NHS: variants seen among roughly 807,000 people sequenced by gnomAD.
NHS encodes the protein NHS actin remodeling regulator.
NHS carries 5 observed loss-of-function variants against 72.5 expected under a neutral mutation model. The ratio of observed to expected loss-of-function variants is 0.07; its 90% CI spans 0.04 to 0.14. The LOEUF (loss-of-function observed/expected upper bound fraction) is 0.14, where lower values mean the gene tolerates loss of function less well. Ranked by LOEUF, NHS falls within the 10% of genes least tolerant of loss-of-function variation. The pLI is 1.00. For missense variants in NHS, 1,072 were observed against 1,355.7 expected (o/e 0.79, Z 3.29); for synonymous variants, 464 against 547.7 (o/e 0.85, Z 2.13).
intron 1 of NHS, among the ~76,000 whole-genome samples, chrX:17,391,871 C>A (rs755145668): frequency 9.0e-6 from 1 of 111,623 alleles, no homozygotes; most frequent in Non-Finnish European, 1.9e-5. Context: ...CCTATAATGA[C>A]GATATCCTCT....
Position 17,712,361 on chromosome X carries a change from TACAC to T in NHS, c.853-6953_853-6950del, listed in dbSNP as rs745619023. ...TGTTTTCAAATGTAACACATTTGTATACACACACACACACACACACACACACACA... is the reference window on the plus strand; with the variant it reads ...TGTTTTCAAATGTAACACATTTGTATACACACACACACACACACACACACA... On this transcript the variant is annotated intron_variant, in intron 3 of 8. Transcript: ENST00000676302. Among the ~76,000 whole-genome samples the T allele has an allele frequency of 2.4e-3, 184 of 77,065 alleles. 2 individuals carry two copies. In the South Asian group the frequency reaches 0.032, roughly 13 times the overall value. 66.9% of individuals were successfully genotyped at this position (77,065 alleles called of 115,157 possible).
chrX:17,440,956 T>C (rs1350367129), intron 1 of NHS, among the ~76,000 whole-genome samples: 1 of 111,562 alleles, frequency 9.0e-6, no homozygotes, highest in Admixed American at 9.5e-5. Flanking sequence ...CTCCCATAGG[T>C]CATCTCTCTG....
At chrX:17,702,857 T>C (rs1469145747) in intron 3 of NHS, among the ~76,000 whole-genome samples, 1 of 111,647 alleles carries the variant, frequency 9.0e-6, no homozygotes, top group African/African-American at 3.3e-5. Flanking sequence ...AGTTAAAATT[T>C]TACTTTAAAA....
At chrX:17,661,039 A>G (rs992651905) in intron 1 of NHS, among the ~76,000 whole-genome samples, 2 of 111,730 alleles carry the variant, frequency 1.8e-5, no homozygotes, top group African/African-American at 6.5e-5. Flanking sequence ...AAACTAACGA[A>G]TCATTTATGC....
intron 1 of NHS, among the ~76,000 whole-genome samples, chrX:17,644,226 C>A (rs1037085411): frequency 8.9e-6 from 1 of 111,838 alleles, no homozygotes; most frequent in African/African-American, 3.3e-5. Context: ...ACAGAGAACT[C>A]TTGGATTCAA....
chrX:17,693,611 C>A (rs1164099279), intron 3 of NHS, among the ~76,000 whole-genome samples: 5 of 112,405 alleles, frequency 4.4e-5, no homozygotes, highest in African/African-American at 6.5e-5. Flanking sequence ...TCTAAATGAA[C>A]CCACATGATA....
rs761332807 is a variant in NHS at position 17,530,543 on chromosome X, G to A, written c.565+154221G>A. Reference sequence around the variant, plus strand: ...CCCCTGGGAGCTGGTTAGAGATGCAGAATCAGGGCTCCACTGCTGACCGAC... The same window carrying A: ...CCCCTGGGAGCTGGTTAGAGATGCAAAATCAGGGCTCCACTGCTGACCGAC... On this transcript the variant is annotated intron_variant, in intron 1 of 8. Transcript: ENST00000676302. Among the ~76,000 whole-genome samples, 15 of 111,530 alleles carry A rather than the reference G, an allele frequency of 1.3e-4. No individual in the cohort carries two copies. In the South Asian group the frequency reaches 5.8e-3, roughly 43 times the overall value.
chrX:17,555,306 G>A (rs73636656), intron 1 of NHS, among the ~76,000 whole-genome samples: 11,140 of 106,930 alleles, frequency 0.1, 1,488 homozygotes, highest in African/African-American at 0.36. Flanking sequence ...CTAGACTGCA[G>A]TGATGATTTG....
intron 3 of NHS, among the ~76,000 whole-genome samples, chrX:17,717,844 CAT>C (rs973189706): frequency 9.0e-6 from 1 of 111,609 alleles, no homozygotes; most frequent in African/African-American, 3.3e-5. Flanking sequence ...GGAAATTACA[CAT>C]AGAGAATTTT....
chrX:17,450,235 A>G (rs1699756093), intron 1 of NHS, among the ~76,000 whole-genome samples: 1 of 111,598 alleles, frequency 9.0e-6, no homozygotes, highest in Non-Finnish European at 1.9e-5. Flanking sequence ...CAGTTTGGCT[A>G]ACACTTGAAA....
intron 1 of NHS, among the ~76,000 whole-genome samples, chrX:17,611,547 CT>C (rs1232000073): frequency 1.9e-4 from 20 of 104,095 alleles, no homozygotes; most frequent in East Asian, 3.0e-4. Flanking sequence ...AAAAGTTTTT[CT>C]TTTTTTTTTT....
At chrX:17,474,016 C>A (rs1010706652) in intron 1 of NHS, among the ~76,000 whole-genome samples, 5 of 111,118 alleles carry the variant, frequency 4.5e-5, no homozygotes, top group Non-Finnish European at 9.4e-5. Context: ...CAGATTATTT[C>A]ATCACCCAGG....
chrX:17,574,933 C>T (rs1020236659), intron 1 of NHS, among the ~76,000 whole-genome samples: 1 of 111,925 alleles, frequency 8.9e-6, no homozygotes, highest in African/African-American at 3.3e-5. Flanking sequence ...GCTCCAGTTC[C>T]TAGGACCTAG....
chrX:17,614,433 C>T lies in NHS; in HGVS notation c.566-73309C>T, dbSNP rs773975564. ...TTTGAAACCTGAGCTCTCCTTGCAA[C>T]GGTGGTGGGGGTGGGGGTGTTGGTG... On this transcript the variant is annotated intron_variant, in intron 1 of 8. Transcript: ENST00000676302. 1.2e-3 allele frequency among the ~76,000 whole-genome samples: 123 copies of T among 103,283 alleles called. 1 individual carries two copies. The highest frequency in any genetic ancestry group is 2.1e-3 in the Non-Finnish European group (109 of 51,225). 89.7% of individuals were successfully genotyped at this position (103,283 alleles called of 115,157 possible).
rs1278493753 is a variant in NHS at position 17,542,978 on chromosome X, A to G, written c.566-144764A>G. On this transcript the variant is annotated intron_variant, in intron 1 of 8. Transcript: ENST00000676302. The stretch of plus-strand genomic sequence containing the variant: ...TATTCAATTAATGTTAGCTGTTATG[A>G]TTACTTGTATATTATTAATAATGTC... 2.7e-5 allele frequency among the ~76,000 whole-genome samples: 3 copies of G among 112,305 alleles called. No individual in the cohort carries two copies. In the Admixed American group the frequency reaches 2.8e-4, roughly 11 times the overall value.
At chrX:17,393,361 C>T (rs192929879) in intron 1 of NHS, among the ~76,000 whole-genome samples, 2 of 112,156 alleles carry the variant, frequency 1.8e-5, no homozygotes, top group Non-Finnish European at 3.8e-5. Flanking sequence ...TAACAAAGTT[C>T]TGGTGCCTAA....
chrX:17,551,632 G>A (rs187643179), intron 1 of NHS, among the ~76,000 whole-genome samples: 55 of 112,098 alleles, frequency 4.9e-4, no homozygotes, highest in African/African-American at 1.7e-3. Flanking sequence ...GGTGCGGGGG[G>A]GCCCCTTGAT....
At chrX:17,623,113 G>A (rs1055707199) in intron 1 of NHS, among the ~76,000 whole-genome samples, 5 of 110,320 alleles carry the variant, frequency 4.5e-5, no homozygotes, top group African/African-American at 1.7e-4. Flanking sequence ...TTTATTTTTT[G>A]TATAATAGAA....
intron 1 of NHS, among the ~76,000 whole-genome samples, chrX:17,547,156 C>T (rs1207442236): frequency 8.9e-6 from 1 of 112,049 alleles, no homozygotes; most frequent in African/African-American, 3.2e-5. Context: ...AAGAAGGGCC[C>T]TGCAGGTATG....
Sources: allele counts gnomAD v4.1 joint callset (sites outside exome capture counted in the v4.1 genomes callset), GRCh38; gene constraint gnomAD v4.1.1; transcripts MANE v1.5; gene names NCBI Gene and HGNC (gene_info 2026-07-23, HGNC 2026-07-21).